The following AGAP1 variants were observed in gnomAD, a reference collection of about 807,000 sequenced individuals.
AGAP1 encodes the protein arf-GAP with GTPase, ANK repeat and PH domain-containing protein 1.
Under a neutral mutation model 105.3 loss-of-function variants are expected in AGAP1, and 29 were observed. The ratio of observed to expected loss-of-function variants is 0.28; its 90% CI spans 0.21 to 0.38. AGAP1 has a LOEUF of 0.38. AGAP1 is among the 10% of genes least tolerant of loss of function. AGAP1 has a pLI of 1.00. For missense variants in AGAP1, 998 were observed against 1,165.1 expected, an observed-to-expected ratio of 0.86 and a Z score of 2.09; for synonymous variants, 509 against 485.9, an observed-to-expected ratio of 1.05 and a Z score of -0.63.
At chr2:235,802,051 A>T (rs1412122160) in intron 8 of AGAP1, among the ~76,000 whole-genome samples, 1 of 152,072 alleles carries the variant, frequency 6.6e-6, no homozygotes, top group East Asian at 1.9e-4. Flanking sequence ...AGGCAGAGAG[A>T]ATCAAAATAA....
rs1951009662 is a variant in AGAP1, at chr2:235,714,674, T to G, written c.223-2883T>G. Reference sequence around the variant, plus strand: ...GGCCAGGACTGGGTGACAGAGAACATTTGGATCCATGAGCCATCACTCAGA... The same window carrying G: ...GGCCAGGACTGGGTGACAGAGAACAGTTGGATCCATGAGCCATCACTCAGA... On this transcript the variant is annotated intron_variant, in intron 2 of 17. Coordinates refer to ENST00000304032, the MANE Select transcript of AGAP1 (RefSeq NM_001037131.3). This position sits in a 1 kb window ranked among gnomAD's most constrained non-coding sequence, Gnocchi z 4.1. Among the ~76,000 whole-genome samples the G allele has an allele frequency of 6.6e-6, 1 of 151,994 alleles. No homozygotes were observed. Among genetic ancestry groups the G allele is most frequent in the African/African-American group, 2.4e-5 (1 of 41,382 alleles).
intron 12 of AGAP1, among the ~76,000 whole-genome samples, chr2:235,954,548 T>G (rs968270028): frequency 6.7e-6 from 1 of 149,054 alleles, no homozygotes; most frequent in African/African-American, 2.5e-5. Context: ...ATGTTACGGT[T>G]CTGTGTTGAG....
At position 235,725,447 on chromosome 2, in the gene AGAP1, A is replaced by G. The variant is rs1951596078; in HGVS notation, c.310+7803A>G. ...AAAAAAGGTTGTCAGCTACCACTGC[A>G]TCCCAGATGTTAGAGTTTATTTCTA... On this transcript the variant is annotated intron_variant, in intron 3 of 17. Transcript: ENST00000304032. The surrounding 1 kb of genome is among the most constrained non-coding windows in gnomAD (Gnocchi z 5.7). Among the ~76,000 whole-genome samples, 1 of 152,058 alleles carries G rather than the reference A, an allele frequency of 6.6e-6. No homozygotes were observed. Among genetic ancestry groups the G allele is most frequent in the Non-Finnish European group, 1.5e-5 (1 of 68,020 alleles).
At chr2:235,644,692 T>G (rs1947313678) in intron 1 of AGAP1, among the ~76,000 whole-genome samples, 1 of 152,144 alleles carries the variant, frequency 6.6e-6, no homozygotes, top group Non-Finnish European at 1.5e-5. Context: ...AGAACTGATA[T>G]GCAGCACAGT....
intron 1 of AGAP1, among the ~76,000 whole-genome samples, chr2:235,650,519 C>T (rs763119965): frequency 3.9e-5 from 6 of 152,086 alleles, no homozygotes; most frequent in Non-Finnish European, 8.8e-5. Context: ...TGTTTCAGTT[C>T]TGGGCACTGG....
At chr2:235,580,863 G>A in intron 1 of AGAP1, among the ~76,000 whole-genome samples, 1 of 152,080 alleles carries the variant, frequency 6.6e-6, no homozygotes, top group East Asian at 1.9e-4. Context: ...TCTGAGCAGT[G>A]GGTTCTTGCT....
chr2:235,694,328 A>C (rs549166491), intron 1 of AGAP1, among the ~76,000 whole-genome samples: 1 of 152,116 alleles, frequency 6.6e-6, no homozygotes, highest in South Asian at 2.1e-4. Context: ...AAATACAAAA[A>C]GTTAGCTGGG....
chr2:235,669,437 C>T (rs1559327637), intron 1 of AGAP1, among the ~76,000 whole-genome samples: 2 of 151,732 alleles, frequency 1.3e-5, no homozygotes, highest in African/African-American at 4.8e-5. Context: ...CTGGGCCCCT[C>T]GGAGGCTCCG....
At chr2:235,778,990 A>G (rs1559476426) in intron 6 of AGAP1, among the ~76,000 whole-genome samples, 1 of 152,204 alleles carries the variant, frequency 6.6e-6, no homozygotes, top group Non-Finnish European at 1.5e-5. Context: ...TCCTGTGTGT[A>G]TGTTTTACAG....
At position 235,937,247 on chromosome 2, in the gene AGAP1, C is replaced by T. The variant is rs193297438; in HGVS notation, c.1483+6324C>T. Among the ~76,000 whole-genome samples the T allele has an allele frequency of 5.1e-3, 776 of 152,284 alleles. 5 individuals are homozygous for T. The highest frequency in any genetic ancestry group is 0.024 in the Middle Eastern group (7 of 294). On this transcript the variant is annotated intron_variant, in intron 12 of 17. Transcript: ENST00000304032. ...GGGCTGCTCGGCTCGCCAGGCTGGC[C>T]GGCCTAATTAAAAGGCTGACCCCGC...
intron 12 of AGAP1, among the ~76,000 whole-genome samples, chr2:235,944,006 A>T (rs1265784625): frequency 3.9e-5 from 6 of 152,206 alleles, no homozygotes; most frequent in Non-Finnish European, 7.3e-5. Flanking sequence ...GCAGATGGTT[A>T]TTTTTAATGA....
intron 9 of AGAP1, among the ~76,000 whole-genome samples, chr2:235,833,276 A>G (rs1959675750): frequency 6.6e-6 from 1 of 152,230 alleles, no homozygotes; most frequent in African/African-American, 2.4e-5. Context: ...GAGCGGGACC[A>G]CACGTGGCCA....
intron 1 of AGAP1, among the ~76,000 whole-genome samples, chr2:235,695,512 C>T (rs1949954298): frequency 6.6e-6 from 1 of 152,202 alleles, no homozygotes; most frequent in Admixed American, 6.5e-5. Context: ...GCTCAGGTTA[C>T]AGACGATCTG....
In AGAP1 at chr2:235,967,640, A is replaced by G. The variant is rs2054462557; in HGVS notation, c.1484-822A>G. Among the ~76,000 whole-genome samples the G allele has an allele frequency of 6.6e-6, 1 of 152,180 alleles. No homozygotes were observed. The highest frequency in any genetic ancestry group is 1.5e-5 in the Non-Finnish European group (1 of 68,036). Reference sequence around the variant, plus strand: ...AAAGATGCTGAATCGTGAAATAAAAACTTTTCAAGACGCCGTAGGCATGCA... The same window carrying G: ...AAAGATGCTGAATCGTGAAATAAAAGCTTTTCAAGACGCCGTAGGCATGCA... On this transcript the variant is annotated intron_variant, in intron 12 of 17. Transcript: ENST00000304032. This position sits in a 1 kb window ranked among gnomAD's most constrained non-coding sequence, Gnocchi z 4.7.
intron 15 of AGAP1, among the ~76,000 whole-genome samples, 187 bp from the exon 16 acceptor site, chr2:236,048,872 A>G (rs574847003): frequency 1.3e-5 from 2 of 152,354 alleles, no homozygotes; most frequent in African/African-American, 4.8e-5. Context: ...TGAAGCTACT[A>G]CCAACGGCCA....
rs1037300359 is a variant in AGAP1, at chr2:236,058,423, G to A, written c.2114+9142G>A. Among the ~76,000 whole-genome samples, 1 of 152,160 alleles carries A rather than the reference G, an allele frequency of 6.6e-6. No individual in the cohort carries two copies. The highest frequency in any genetic ancestry group is 2.4e-5 in the African/African-American group (1 of 41,432). ...AAGGAAGGCAAGGTTGGTTCGACAC[G>A]CAAAAATCAATCAATGTGATATACC... is the stretch of plus-strand genomic sequence containing the variant. On this transcript the variant is annotated intron_variant, in intron 16 of 17. Coordinates refer to ENST00000304032, the MANE Select transcript of AGAP1 (RefSeq NM_001037131.3). This position sits in a 1 kb window ranked among gnomAD's most constrained non-coding sequence, Gnocchi z 4.6.
intron 4 of AGAP1, among the ~76,000 whole-genome samples, chr2:235,743,200 C>G (rs1952690961): frequency 6.6e-6 from 1 of 152,216 alleles, no homozygotes; most frequent in Admixed American, 6.5e-5. Flanking sequence ...TTTCAGTTTT[C>G]TGATGGTGAA....
chr2:235,616,006 A>G (rs994378448), intron 1 of AGAP1, among the ~76,000 whole-genome samples: 6 of 152,206 alleles, frequency 3.9e-5, no homozygotes, highest in African/African-American at 1.4e-4. Flanking sequence ...AGAAGAAACA[A>G]AGGAGCAATT....
At position 235,989,646 on chromosome 2, in the gene AGAP1, C is replaced by T. The variant is rs531557905; in HGVS notation, c.1645+21023C>T. 2.0e-5 allele frequency among the ~76,000 whole-genome samples: 3 copies of T among 152,234 alleles called. No individual in the cohort carries two copies. The highest frequency in any genetic ancestry group is 1.9e-4 in the East Asian group (1 of 5,160). ...GAAACTAGAGGGGATTAGGAGAGTT[C>T]GGGCTGCACCAGCTCCTGGGTGTTG... On this transcript the variant is annotated intron_variant, in intron 13 of 17. Transcript: ENST00000304032. This position sits in a 1 kb window ranked among gnomAD's most constrained non-coding sequence, Gnocchi z 4.4.
Sources: allele counts gnomAD v4.1 joint callset (sites outside exome capture counted in the v4.1 genomes callset), GRCh38; gene constraint gnomAD v4.1.1; non-coding constraint Gnocchi (gnomAD v3.1); transcripts MANE v1.5; gene names NCBI Gene and HGNC (gene_info 2026-07-23, HGNC 2026-07-21).